Variants in NPM1 observed in about 807,000 individuals in gnomAD.
NPM1 encodes the protein nucleophosmin.
In NPM1, 1 loss-of-function variant was observed where a neutral mutation model predicts 44.1. The ratio of observed to expected loss-of-function variants is 0.02; its 90% CI spans 0.01 to 0.11. The LOEUF is 0.11. NPM1 is among the 10% of genes least tolerant of loss of function. The pLI is 1.00. For synonymous variants in NPM1, 126 were observed against 111.8 expected, an observed-to-expected ratio of 1.13 and a Z score of -0.80; for missense variants, 197 against 347.8, an observed-to-expected ratio of 0.57 and a Z score of 3.45.
At chr5:171,388,820 T>C (rs969805614) in intron 1 of NPM1, among the ~76,000 whole-genome samples, 1 of 152,240 alleles carries the variant, frequency 6.6e-6, no homozygotes, top group African/African-American at 2.4e-5. Context: ...AGCCCCACTT[T>C]GCAGATGAGG....
Position 171,391,768 on chromosome 5 carries a change from G to A in NPM1, c.321G>A (p.Gly107=), listed in dbSNP as rs201813873. 6.2e-7 allele frequency: 1 copy of A among 1,608,982 alleles called. No homozygotes were observed. The highest frequency in any genetic ancestry group is 8.5e-7 in the Non-Finnish European group (1 of 1,176,672). The change falls in exon 4 of 11, where the codon GGG becomes GGA. Residue 107 remains glycine (G), a synonymous_variant. Coordinates refer to ENST00000296930, the MANE Select transcript of NPM1 (RefSeq NM_002520.7). ...TCTTAAGGTTGAAGTGTGGTTCAGG[G>A]CCAGTGCATATTAGTGGACAGCACT... ...PVVLRLKCGS[G]PVHISGQHLV...
Position 171,401,858 on chromosome 5 carries a change from G to GAC in NPM1, c.669+935_669+936dup, listed in dbSNP as rs370744924. 5.8e-4 allele frequency among the ~76,000 whole-genome samples: 89 copies of GAC among 152,242 alleles called. 2 individuals carry two copies. Among genetic ancestry groups the GAC allele is most frequent in the African/African-American group, 1.4e-3 (58 of 41,540 alleles). On this transcript the variant is annotated intron_variant, in intron 8 of 10. Transcript: ENST00000296930. ...GCTTGAAGTAGAACATTTGGGCCTA[G>GAC]ACAGGGTGTATTGATCTCATTCCTG...
chr5:171,407,597 A>G (rs1385462703), intron 9 of NPM1, 103 bp from the exon 10 acceptor site: 7 of 732,226 alleles, frequency 9.6e-6, no homozygotes, highest in Non-Finnish European at 1.7e-5. Context: ...AAAAAGAATA[A>G]ACTGATCCAT....
chr5:171,410,260 G>C (rs1386589056), intron 10 of NPM1, among the ~76,000 whole-genome samples: 1 of 152,184 alleles, frequency 6.6e-6, no homozygotes, highest in East Asian at 1.9e-4. Flanking sequence ...ATGGGTCTCT[G>C]TTCTTTCTGT....
chr5:171,391,284 G>T lies in NPM1; in HGVS notation c.139-21G>T, dbSNP rs142922469. The T allele has an allele frequency of 4.5e-5, 72 of 1,604,558 alleles. 1 individual carries two copies. The East Asian group carries it at 1.6e-3, about 35-fold the overall frequency. Reference sequence around the variant, plus strand: ...TAGGTGGAACTCAAAAGTTGAAGTAGTATTTTTTTTTTGTTCACAGGTCAG... The same window carrying T: ...TAGGTGGAACTCAAAAGTTGAAGTATTATTTTTTTTTTGTTCACAGGTCAG... On this transcript the variant is annotated intron_variant, in intron 2 of 10. Coordinates refer to ENST00000296930, the MANE Select transcript of NPM1 (RefSeq NM_002520.7).
chr5:171,402,794 C>T (rs1232659841), intron 8 of NPM1, among the ~76,000 whole-genome samples: 2 of 136,276 alleles, frequency 1.5e-5, no homozygotes, highest in African/African-American at 2.7e-5. Flanking sequence ...TGTGCTCTCT[C>T]TCTTCTGCTG....
chr5:171,391,188 AT>A, intron 2 of NPM1, 116 bp from the exon 3 acceptor site: 1 of 1,182,658 alleles, frequency 8.5e-7, no homozygotes. Context: ...CTAACAACAC[AT>A]TTCTCAGAAC....
intron 6 of NPM1, among the ~76,000 whole-genome samples, chr5:171,395,925 CTT>C (rs1329092546): frequency 6.8e-6 from 1 of 147,558 alleles, no homozygotes; most frequent in Non-Finnish European, 1.5e-5. Context: ...CCTTAAATGT[CTT>C]TTTTAATTTT....
At chr5:171,393,095 A>T in intron 6 of NPM1, 117 bp downstream of exon 6, 1 of 1,303,008 alleles carries the variant, frequency 7.7e-7, no homozygotes, top group Non-Finnish European at 1.0e-6. Flanking sequence ...CATCCTATGT[A>T]ATAGTTTATA....
At chr5:171,387,835 G>T (rs561702061), upstream of NPM1, 1,004 of 978,360 alleles carry the variant, frequency 1.0e-3, 10 homozygotes, top group South Asian at 5.0e-3. Context: ...ATATAAGCGC[G>T]GGGAGCCTGC....
At chr5:171,393,130 T>G in intron 6 of NPM1, 152 bp downstream of exon 6, 1 of 1,037,022 alleles carries the variant, frequency 9.6e-7, no homozygotes, top group Non-Finnish European at 1.4e-6. Context: ...GGTCATCTGT[T>G]GTCAGTTTAA....
At chr5:171,393,858 C>T (rs568813995) in intron 6 of NPM1, among the ~76,000 whole-genome samples, 9 of 152,170 alleles carry the variant, frequency 5.9e-5, no homozygotes, top group South Asian at 2.1e-4. Context: ...TATGACCAGG[C>T]GCAGTGGTTC....
chr5:171,410,275 T>G (rs61004198), intron 10 of NPM1, among the ~76,000 whole-genome samples: 4,267 of 152,356 alleles, frequency 0.028, 148 homozygotes, highest in Admixed American at 0.1. Flanking sequence ...TTCTGTTGAT[T>G]TCCTTAAGTA....
chr5:171,397,610 CTTTG>C (rs1263803197), intron 6 of NPM1, among the ~76,000 whole-genome samples: 1 of 151,938 alleles, frequency 6.6e-6, no homozygotes, highest in African/African-American at 2.4e-5. Flanking sequence ...ATTTACTTCT[CTTTG>C]TCTTTACTAA....
chr5:171,400,724 G>C, intron 7 of NPM1, 115 bp from the exon 8 acceptor site: 1 of 678,706 alleles, frequency 1.5e-6, no homozygotes, highest in East Asian at 2.8e-5. Context: ...GGGATTACAG[G>C]CATGAGCCAC....
chr5:171,404,137 A>C (rs1581255882), intron 8 of NPM1, among the ~76,000 whole-genome samples: 2 of 63,368 alleles, frequency 3.2e-5, no homozygotes, highest in African/African-American at 1.4e-4. Flanking sequence ...TGGGGGGCTG[A>C]CCCCCCCACC....
intron 6 of NPM1, among the ~76,000 whole-genome samples, chr5:171,395,666 A>G (rs1245568453): frequency 6.6e-6 from 1 of 152,230 alleles, no homozygotes; most frequent in Admixed American, 6.5e-5. Context: ...CAGTGGTGAG[A>G]TGGCAAGGGC....
At chr5:171,401,846 C>T (rs1441731816) in intron 8 of NPM1, among the ~76,000 whole-genome samples, 2 of 152,148 alleles carry the variant, frequency 1.3e-5, no homozygotes, top group Non-Finnish European at 2.9e-5. Flanking sequence ...TGAAGTAGAA[C>T]ATTTGGGCCT....
At chr5:171,391,180 A>G (rs1481526435) in intron 2 of NPM1, 125 bp from the exon 3 acceptor site, 1 of 1,099,206 alleles carries the variant, frequency 9.1e-7, no homozygotes, top group Admixed American at 2.3e-5. Flanking sequence ...GAAATTGTCT[A>G]ACAACACATT....
Sources: gnomAD v4.1 joint callset for allele counts (sites outside exome capture counted in the v4.1 genomes callset) on GRCh38, gnomAD v4.1.1 for gene constraint, MANE v1.5 for transcripts, NCBI Gene and HGNC (gene_info 2026-07-23, HGNC 2026-07-21) for gene names.